Variants in GRID1 observed in about 807,000 individuals in gnomAD.
The protein encoded by GRID1 is glutamate receptor ionotropic, delta-1.
GRID1 carries 28 observed loss-of-function variants against 98.0 expected under a neutral mutation model. That is an observed-to-expected ratio of 0.29 (90% confidence interval 0.21 to 0.39). GRID1 has a LOEUF of 0.39. Among genes scored for constraint, GRID1 ranks in the 10% least tolerant of loss-of-function variants. The pLI, the probability that GRID1 is intolerant of heterozygous loss-of-function variation, is 1.00. For missense variants in GRID1, 1,111 were observed against 1,340.5 expected, an observed-to-expected ratio of 0.83 and a Z score of 2.67; for synonymous variants, 553 against 538.5, an observed-to-expected ratio of 1.03 and a Z score of -0.37.
At chr10:86,160,014 T>TAACCATCAACATCAC (rs1374155906) in intron 3 of GRID1, among the ~76,000 whole-genome samples, 1 of 152,058 alleles carries the variant, frequency 6.6e-6, no homozygotes, top group Admixed American at 6.5e-5. Context: ...ACCATCATCA[T>TAACCATCAACATCAC]AACCATCAAC....
At chr10:85,881,993 C>T (rs1001120773) in intron 5 of GRID1, among the ~76,000 whole-genome samples, 1 of 152,158 alleles carries the variant, frequency 6.6e-6, no homozygotes, top group African/African-American at 2.4e-5. Flanking sequence ...CAAAAGAAGA[C>T]ATTTATGCAG....
At chr10:86,279,480 A>AT (rs1564727243) in intron 2 of GRID1, among the ~76,000 whole-genome samples, 1 of 152,214 alleles carries the variant, frequency 6.6e-6, no homozygotes, top group Non-Finnish European at 1.5e-5. Context: ...TCAAATCACC[A>AT]TATCACCAAG....
intron 8 of GRID1, among the ~76,000 whole-genome samples, chr10:85,747,413 C>T (rs927163464): frequency 6.6e-6 from 1 of 152,120 alleles, no homozygotes; most frequent in Non-Finnish European, 1.5e-5. Context: ...TTGACACAAT[C>T]CTGAGGTCAG....
At chr10:85,808,414 C>T (rs988979602) in intron 8 of GRID1, among the ~76,000 whole-genome samples, 5 of 152,162 alleles carry the variant, frequency 3.3e-5, no homozygotes, top group Admixed American at 2.0e-4. Context: ...AAATTGCAAA[C>T]TCTTGGATGA....
At chr10:86,138,719 A>T (rs1000178484) in intron 4 of GRID1, 100 bp downstream of exon 4, 4 of 896,080 alleles carry the variant, frequency 4.5e-6, no homozygotes, top group Admixed American at 4.0e-5. Context: ...ATGTCCGTTT[A>T]GGCCATGCGT....
chr10:85,632,041 C>A (rs1842981542), intron 13 of GRID1, among the ~76,000 whole-genome samples: 1 of 151,890 alleles, frequency 6.6e-6, no homozygotes, highest in South Asian at 2.1e-4. Context: ...CCATGCATGT[C>A]CTGTTTGCTC....
At chr10:86,088,330 A>T (rs1844094560) in intron 4 of GRID1, among the ~76,000 whole-genome samples, 1 of 152,228 alleles carries the variant, frequency 6.6e-6, no homozygotes, top group Admixed American at 6.5e-5. Context: ...GAGAGAGATC[A>T]CATCTGTTAA....
chr10:86,000,727 A>C (rs12250901), intron 4 of GRID1, among the ~76,000 whole-genome samples: 1,611 of 152,326 alleles, frequency 0.011, 39 homozygotes, highest in African/African-American at 0.037. Flanking sequence ...TATATCAAAA[A>C]AATTGAACCT....
Position 86,138,984 on chromosome 10 carries a change from C to T in GRID1, c.561G>A (p.Arg187=). 2 of 1,614,016 alleles carry T rather than the reference C, an allele frequency of 1.2e-6. No individual in the cohort carries two copies. The highest frequency in any genetic ancestry group is 1.7e-6 in the Non-Finnish European group (2 of 1,179,866). ...TTTGTAAAGAGACGTCAAGGCCCAG[C>T]CGCGAGGCCTGGTCCAGAAAGCTTT... is the stretch of plus-strand genomic sequence containing the variant. The part of the protein sequence containing the change: ...GLQSFLDQAS[R]LGLDVSLQKV... Residue 187 remains arginine, a synonymous_variant, in exon 4 of 16, where the codon CGG becomes CGA. Coordinates refer to ENST00000327946, the MANE Select transcript of GRID1 (RefSeq NM_017551.3).
intron 12 of GRID1, among the ~76,000 whole-genome samples, chr10:85,681,493 G>T (rs1450928231): frequency 1.3e-5 from 2 of 152,124 alleles, no homozygotes; most frequent in African/African-American, 4.8e-5. Flanking sequence ...TTGTCTGACA[G>T]TCTCCACATC....
intron 4 of GRID1, among the ~76,000 whole-genome samples, chr10:85,968,222 G>A (rs372437099): frequency 1.6e-4 from 24 of 152,036 alleles, no homozygotes; most frequent in South Asian, 1.0e-3. Flanking sequence ...AGGCCGAGGC[G>A]GGTGGATCAC....
chr10:85,820,791 T>C (rs1486522748), intron 8 of GRID1, among the ~76,000 whole-genome samples: 3 of 152,216 alleles, frequency 2.0e-5, no homozygotes, highest in Admixed American at 6.5e-5. Context: ...TGTAGAAGAA[T>C]TGAAATGTTA....
At chr10:85,850,171 T>A (rs1843044841) in intron 8 of GRID1, among the ~76,000 whole-genome samples, 1 of 152,054 alleles carries the variant, frequency 6.6e-6, no homozygotes, top group South Asian at 2.1e-4. Context: ...CTCCCAGGGT[T>A]TTCCTGCACA....
intron 12 of GRID1, among the ~76,000 whole-genome samples, chr10:85,660,898 G>A (rs559454832): frequency 1.6e-4 from 24 of 152,138 alleles, no homozygotes; most frequent in East Asian, 3.9e-4. Context: ...CTCTGTGGCC[G>A]TGGATAAGCT....
intron 3 of GRID1, among the ~76,000 whole-genome samples, chr10:86,144,825 A>T (rs1845062109): frequency 6.6e-6 from 1 of 152,112 alleles, no homozygotes; most frequent in African/African-American, 2.4e-5. Context: ...TGAGAACAGC[A>T]TCACCACACA....
intron 4 of GRID1, among the ~76,000 whole-genome samples, chr10:86,078,795 G>A (rs528297211): frequency 2.0e-5 from 3 of 152,322 alleles, no homozygotes; most frequent in African/African-American, 7.2e-5. Context: ...CAGCCCCCTG[G>A]CCTTGCAGCT....
rs77396493 is a variant in GRID1 at position 86,070,715 on chromosome 10, C to T, written c.726+68104G>A. On this transcript the variant is annotated intron_variant, in intron 4 of 15. Transcript: ENST00000327946. ...CCATCCCTGCACACATGCCTACATC[C>T]ACCCACTCATCTGTGTGTTAAGTAG... Among the ~76,000 whole-genome samples, 13 of 152,328 alleles carry T rather than the reference C, an allele frequency of 8.5e-5. No individual in the cohort carries two copies. The East Asian group carries it at 2.5e-3, about 29-fold the overall frequency.
chr10:85,721,514 T>G (rs950978818), intron 12 of GRID1, among the ~76,000 whole-genome samples: 1 of 152,218 alleles, frequency 6.6e-6, no homozygotes, highest in Non-Finnish European at 1.5e-5. Flanking sequence ...GTGGTATATG[T>G]GATATAATCA....
In GRID1 at chr10:85,821,578, T is replaced by C. The variant is rs974714824; in HGVS notation, c.1233+32918A>G. ...GATCAATAGTTGACTGTGGGTGGTGTTAGAGGGAGACATGGATTGCAAAGA... is the reference window on the plus strand; with the variant it reads ...GATCAATAGTTGACTGTGGGTGGTGCTAGAGGGAGACATGGATTGCAAAGA... On this transcript the variant is annotated intron_variant, in intron 8 of 15. Coordinates refer to ENST00000327946, the MANE Select transcript of GRID1 (RefSeq NM_017551.3). 4.2e-5 allele frequency among the ~76,000 whole-genome samples: 6 copies of C among 144,536 alleles called. No individual in the cohort carries two copies. The East Asian group carries it at 1.2e-3, about 29-fold the overall frequency. The allele number at this position is 144,536 out of a possible 152,430, so 94.8% of individuals were successfully genotyped here. A position where few individuals can be genotyped will look rare whatever the true frequency, so the allele number is the denominator to read the frequency against.
Sources: allele counts gnomAD v4.1 joint callset (sites outside exome capture counted in the v4.1 genomes callset), GRCh38; gene constraint gnomAD v4.1.1; transcripts MANE v1.5; gene names NCBI Gene and HGNC (gene_info 2026-07-23, HGNC 2026-07-21).